Variants in CAMK1D observed in about 807,000 individuals in gnomAD.
The protein encoded by CAMK1D is calcium/calmodulin-dependent protein kinase type 1D.
Under a neutral mutation model 47.7 loss-of-function variants are expected in CAMK1D, and 9 were observed. The ratio of observed to expected loss-of-function variants is 0.19; its 90% CI spans 0.11 to 0.33. CAMK1D has a LOEUF of 0.33. Ranked by LOEUF, CAMK1D falls within the 10% of genes least tolerant of loss-of-function variation. The pLI is 1.00. For synonymous variants in CAMK1D, 184 were observed against 184.9 expected (o/e 0.99, Z 0.04); for missense variants, 291 against 488.7 (o/e 0.60, Z 3.81).
intron 2 of CAMK1D, among the ~76,000 whole-genome samples, chr10:12,660,545 A>G (rs781375707): frequency 6.6e-6 from 1 of 152,134 alleles, no homozygotes; most frequent in Non-Finnish European, 1.5e-5. Context: ...GCTGTCAGTT[A>G]CTATATGGAC....
chr10:12,740,515 T>C (rs1171009981), intron 3 of CAMK1D, among the ~76,000 whole-genome samples: 1 of 152,138 alleles, frequency 6.6e-6, no homozygotes, highest in Admixed American at 6.5e-5. Flanking sequence ...GGAGAACTGT[T>C]TGAACCTGGG....
intron 8 of CAMK1D, among the ~76,000 whole-genome samples, chr10:12,817,384 A>T (rs1832841995): frequency 6.6e-6 from 1 of 152,172 alleles, no homozygotes; most frequent in Non-Finnish European, 1.5e-5. Context: ...ATGCTTTTCG[A>T]ATTTGTGTTT....
At chr10:12,389,680 A>C (rs1310792427) in intron 1 of CAMK1D, among the ~76,000 whole-genome samples, 1 of 152,048 alleles carries the variant, frequency 6.6e-6, no homozygotes, top group Non-Finnish European at 1.5e-5. Flanking sequence ...TTTTGGGTGA[A>C]TGTTAATGGC....
At chr10:12,350,033 C>T in intron 1 of CAMK1D, 123 bp downstream of exon 1, 1 of 384,306 alleles carries the variant, frequency 2.6e-6, no homozygotes, top group Non-Finnish European at 4.6e-6. Flanking sequence ...TCCTCATTGT[C>T]CCGTTCTCGG....
intron 2 of CAMK1D, among the ~76,000 whole-genome samples, chr10:12,604,472 G>T (rs1001213987): frequency 2.6e-5 from 4 of 152,170 alleles, no homozygotes; most frequent in African/African-American, 9.7e-5. Flanking sequence ...CTGAACTTTT[G>T]CCTCACCCGA....
chr10:12,652,069 C>T (rs1233758701), intron 2 of CAMK1D, among the ~76,000 whole-genome samples: 6 of 151,984 alleles, frequency 3.9e-5, no homozygotes, highest in African/African-American at 1.2e-4. Context: ...GTGACCACCG[C>T]GCCCGGCCGG....
chr10:12,629,509 C>T (rs1183694613), intron 2 of CAMK1D, among the ~76,000 whole-genome samples: 1 of 152,142 alleles, frequency 6.6e-6, no homozygotes, highest in Non-Finnish European at 1.5e-5. Context: ...TCGAGGTTGT[C>T]AGACTATTAC....
intron 2 of CAMK1D, among the ~76,000 whole-genome samples, chr10:12,633,537 C>G (rs981328469): frequency 6.6e-6 from 1 of 152,092 alleles, no homozygotes; most frequent in Non-Finnish European, 1.5e-5. Flanking sequence ...TCCGAGGGCT[C>G]CGTGAAAACT....
chr10:12,503,217 C>T (rs1834761393), intron 1 of CAMK1D, among the ~76,000 whole-genome samples: 1 of 152,042 alleles, frequency 6.6e-6, no homozygotes, highest in African/African-American at 2.4e-5. Context: ...TGTGGGTAGA[C>T]GTATAAGTCT....
At chr10:12,555,937 C>G (rs577025788) in intron 2 of CAMK1D, among the ~76,000 whole-genome samples, 3 of 152,276 alleles carry the variant, frequency 2.0e-5, no homozygotes, top group African/African-American at 7.2e-5. Flanking sequence ...TTGTCTTCAC[C>G]CTGCGCCTCA....
chr10:12,720,286 G>T (rs758523611), intron 3 of CAMK1D, among the ~76,000 whole-genome samples: 2 of 152,188 alleles, frequency 1.3e-5, no homozygotes, highest in Non-Finnish European at 2.9e-5. Flanking sequence ...CTAGCGAAGA[G>T]TCACTCTTGG....
chr10:12,552,550 C>T (rs1023884726), intron 1 of CAMK1D, among the ~76,000 whole-genome samples: 14 of 152,082 alleles, frequency 9.2e-5, no homozygotes, highest in Admixed American at 2.6e-4. Flanking sequence ...GAGCTGACAC[C>T]GGCAGAAGGA....
intron 1 of CAMK1D, among the ~76,000 whole-genome samples, chr10:12,435,221 CAAAAAAAAAAA>C (rs910066372): frequency 4.5e-5 from 2 of 44,024 alleles, no homozygotes; most frequent in African/African-American, 9.5e-5. Flanking sequence ...AACTCTGTCT[CAAAAAAAAAAA>C]AAAAAAAAAA....
intron 1 of CAMK1D, among the ~76,000 whole-genome samples, chr10:12,434,526 T>A (rs114489782): frequency 6.6e-6 from 1 of 152,188 alleles, no homozygotes; most frequent in Admixed American, 6.5e-5. Context: ...CCGTTGTTTG[T>A]GCAAGCTGTG....
chr10:12,496,012 A>G (rs1410844104), intron 1 of CAMK1D, among the ~76,000 whole-genome samples: 1 of 151,804 alleles, frequency 6.6e-6, no homozygotes, highest in African/African-American at 2.4e-5. Flanking sequence ...TATTTTTTGT[A>G]GAGATGGGGT....
intron 1 of CAMK1D, among the ~76,000 whole-genome samples, chr10:12,442,453 C>A (rs1293990720): frequency 6.6e-6 from 1 of 152,184 alleles, no homozygotes; most frequent in Admixed American, 6.5e-5. Context: ...TGCACTCCAG[C>A]CTGGGTGACA....
At chr10:12,789,203 G>A (rs1837869749) in intron 5 of CAMK1D, among the ~76,000 whole-genome samples, 2 of 152,088 alleles carry the variant, frequency 1.3e-5, no homozygotes, top group Admixed American at 6.5e-5. Flanking sequence ...AAAACATTAT[G>A]AGATTTTTTT....
At chr10:12,380,205 ACT>A (rs1838300843) in intron 1 of CAMK1D, among the ~76,000 whole-genome samples, 1 of 151,992 alleles carries the variant, frequency 6.6e-6, no homozygotes, top group Non-Finnish European at 1.5e-5. Flanking sequence ...ACAGAGCGAG[ACT>A]CTATCTCAAA....
chr10:12,404,730 T>C (rs1839352728), intron 1 of CAMK1D, among the ~76,000 whole-genome samples: 1 of 151,902 alleles, frequency 6.6e-6, no homozygotes, highest in South Asian at 2.1e-4. Flanking sequence ...AGTCTCACTC[T>C]GTCACCCAGA....
Sources: gnomAD v4.1 joint callset for allele counts (sites outside exome capture counted in the v4.1 genomes callset) on GRCh38, gnomAD v4.1.1 for gene constraint, MANE v1.5 for transcripts, NCBI Gene and HGNC (gene_info 2026-07-23, HGNC 2026-07-21) for gene names.